MACROD1: variants seen among roughly 807,000 people sequenced by gnomAD.
The protein encoded by MACROD1 is mono-ADP ribosylhydrolase 1.
MACROD1 carries 31 observed loss-of-function variants against 41.4 expected under a neutral mutation model. The observed-to-expected ratio is 0.75, with a 90% confidence interval of 0.56 to 1.01. The LOEUF (loss-of-function observed/expected upper bound fraction) is 1.01. Among genes scored for constraint, MACROD1 ranks in the 50% least tolerant of loss-of-function variants. The pLI is 0.00. For missense variants in MACROD1, 473 were observed against 460.0 expected, an observed-to-expected ratio of 1.03 and a Z score of -0.26; for synonymous variants, 252 against 203.4, an observed-to-expected ratio of 1.24 and a Z score of -2.03.
intron 3 of MACROD1, among the ~76,000 whole-genome samples, chr11:64,022,736 G>A (rs1004985271): frequency 2.6e-5 from 4 of 152,162 alleles, no homozygotes; most frequent in Admixed American, 1.3e-4. Context: ...GTGGTAGGGC[G>A]GCCCAGGTGG....
At chr11:64,088,414 C>T (rs1396460450) in intron 3 of MACROD1, among the ~76,000 whole-genome samples, 1 of 152,174 alleles carries the variant, frequency 6.6e-6, no homozygotes, top group Non-Finnish European at 1.5e-5. Flanking sequence ...AAGGCCGGCA[C>T]AAGCATCCTC....
At chr11:64,002,249 GGCTCACC>G (rs1374276397) in intron 4 of MACROD1, among the ~76,000 whole-genome samples, 1 of 152,204 alleles carries the variant, frequency 6.6e-6, no homozygotes, top group Non-Finnish European at 1.5e-5. Flanking sequence ...AGTCTCTGGG[GGCTCACC>G]GCCCTGCAGG....
intron 3 of MACROD1, among the ~76,000 whole-genome samples, chr11:64,149,740 C>A (rs1945547809): frequency 6.6e-6 from 1 of 152,252 alleles, no homozygotes; most frequent in Non-Finnish European, 1.5e-5. Flanking sequence ...CTGGAGTACC[C>A]ACTGGCCTGC....
chr11:64,129,670 A>G (rs1052631932), intron 3 of MACROD1, among the ~76,000 whole-genome samples: 1 of 152,138 alleles, frequency 6.6e-6, no homozygotes, highest in African/African-American at 2.4e-5. Flanking sequence ...CAGAGAGGCA[A>G]CCGTACAGGG....
At chr11:64,133,500 C>T (rs150825280) in intron 3 of MACROD1, among the ~76,000 whole-genome samples, 1 of 152,168 alleles carries the variant, frequency 6.6e-6, no homozygotes, top group Non-Finnish European at 1.5e-5. Flanking sequence ...GTGTGGCTCG[C>T]GTTCTCTCCC....
At chr11:64,019,322 A>G (rs1171602331) in intron 3 of MACROD1, among the ~76,000 whole-genome samples, 1 of 152,178 alleles carries the variant, frequency 6.6e-6, no homozygotes, top group Non-Finnish European at 1.5e-5. Flanking sequence ...AATGCCAGTC[A>G]CTGCCAAGTC....
intron 3 of MACROD1, among the ~76,000 whole-genome samples, chr11:64,057,875 G>C (rs1042831511): frequency 2.6e-5 from 4 of 152,210 alleles, no homozygotes; most frequent in Admixed American, 1.3e-4. Context: ...GCACGAATTC[G>C]TGAGGTCACA....
In MACROD1 at chr11:64,067,493, G is replaced by A. The variant is rs1378358715; in HGVS notation, c.518-52212C>T. ...GATAACAGAAGGGAGGAGATAGGTC[G>A]GGGACGGGGACAGACGGCACCTCCC... On this transcript the variant is annotated intron_variant, in intron 3 of 10. Coordinates refer to ENST00000255681, the MANE Select transcript of MACROD1 (RefSeq NM_014067.4). The surrounding 1 kb of genome is among the most constrained non-coding windows in gnomAD (Gnocchi z 4.6). Among the ~76,000 whole-genome samples, 1 of 152,086 alleles carries A rather than the reference G, an allele frequency of 6.6e-6. No homozygotes were observed. Among genetic ancestry groups the A allele is most frequent in the African/African-American group, 2.4e-5 (1 of 41,394 alleles).
chr11:64,135,538 C>A (rs1258476555), intron 3 of MACROD1, among the ~76,000 whole-genome samples: 4 of 152,230 alleles, frequency 2.6e-5, no homozygotes, highest in Non-Finnish European at 4.4e-5. Context: ...CCCTCCAGAG[C>A]ATTCCACATT....
In MACROD1 at chr11:64,117,050, C is replaced by T. The variant is rs139711112; in HGVS notation, c.517+34189G>A. On this transcript the variant is annotated intron_variant, in intron 3 of 10. Transcript: ENST00000255681. Reference sequence around the variant, plus strand: ...TCTCGCTGGTGCGCAATTCGCTGGCCGCGCCACCCCTCAACCTGCCCAGCG... The same window carrying T: ...TCTCGCTGGTGCGCAATTCGCTGGCTGCGCCACCCCTCAACCTGCCCAGCG... 577 of 1,605,480 alleles carry T rather than the reference C, an allele frequency of 3.6e-4. 2 individuals carry two copies. Among genetic ancestry groups the T allele is most frequent in the Admixed American group, 7.9e-4 (46 of 58,518 alleles).
chr11:64,043,732 C>T (rs201644544), intron 3 of MACROD1, among the ~76,000 whole-genome samples: 9 of 152,260 alleles, frequency 5.9e-5, no homozygotes, highest in East Asian at 5.8e-4. Context: ...GGCTTCACAA[C>T]AGCCCCATTG....
intron 3 of MACROD1, among the ~76,000 whole-genome samples, chr11:64,049,677 C>G (rs1590838852): frequency 6.6e-6 from 1 of 152,228 alleles, no homozygotes; most frequent in South Asian, 2.1e-4. Context: ...TGCAGACAGA[C>G]AGCTCAGTGA....
chr11:64,010,858 G>T (rs1236747169), intron 4 of MACROD1, among the ~76,000 whole-genome samples: 2 of 145,662 alleles, frequency 1.4e-5, no homozygotes, highest in Admixed American at 1.3e-4. Context: ...TGGAGTGTTG[G>T]TTGGGGTGTT....
chr11:64,078,785 AG>A (rs1326821877), intron 3 of MACROD1, among the ~76,000 whole-genome samples: 2 of 117,824 alleles, frequency 1.7e-5, no homozygotes, highest in African/African-American at 6.7e-5. Flanking sequence ...GGGTGACTGC[AG>A]GGGGGGAGGC....
At chr11:64,141,853 G>A (rs536834939) in intron 3 of MACROD1, among the ~76,000 whole-genome samples, 22 of 152,268 alleles carry the variant, frequency 1.4e-4, no homozygotes, top group Non-Finnish European at 2.5e-4. Flanking sequence ...CGAGTCTGCC[G>A]CGAGGGGGAG....
At chr11:64,037,804 T>C (rs539416709) in intron 3 of MACROD1, among the ~76,000 whole-genome samples, 16 of 152,348 alleles carry the variant, frequency 1.1e-4, no homozygotes, top group African/African-American at 3.8e-4. Flanking sequence ...CCTGGGTCTG[T>C]GCATCCGCAC....
At chr11:64,076,435 TGGATGGATGGATGGAC>T (rs1202370125) in intron 3 of MACROD1, among the ~76,000 whole-genome samples, 1 of 151,688 alleles carries the variant, frequency 6.6e-6, no homozygotes. Flanking sequence ...TCAACTGTAC[TGGATGGATGGATGGAC>T]GGATGGATGG....
At chr11:64,133,569 G>A (rs1013032325) in intron 3 of MACROD1, among the ~76,000 whole-genome samples, 2 of 152,208 alleles carry the variant, frequency 1.3e-5, no homozygotes, top group Non-Finnish European at 2.9e-5. Context: ...CACAGGTAGA[G>A]CAGGCAGAGA....
At position 64,067,401 on chromosome 11, in the gene MACROD1, C is replaced by G. The variant is rs368549656; in HGVS notation, c.518-52120G>C. 3.6e-4 allele frequency among the ~76,000 whole-genome samples: 55 copies of G among 152,282 alleles called. No homozygotes were observed. Among genetic ancestry groups the G allele is most frequent in the Middle Eastern group, 3.4e-3 (1 of 294 alleles). ...GTGAAAATGAAATATAGATTCAATA[C>G]CTGAGCCTTTCAGCTCACAAATCAT... On this transcript the variant is annotated intron_variant, in intron 3 of 10. Coordinates refer to ENST00000255681, the MANE Select transcript of MACROD1 (RefSeq NM_014067.4). This position sits in a 1 kb window ranked among gnomAD's most constrained non-coding sequence, Gnocchi z 4.6.
Sources: gnomAD v4.1 joint callset for allele counts (sites outside exome capture counted in the v4.1 genomes callset) on GRCh38, gnomAD v4.1.1 for gene constraint, Gnocchi (gnomAD v3.1) non-coding constraint, MANE v1.5 for transcripts, NCBI Gene and HGNC (gene_info 2026-07-23, HGNC 2026-07-21) for gene names.